Variants in ZDHHC21 observed in about 807,000 individuals in gnomAD.
ZDHHC21 encodes the protein zDHHC palmitoyltransferase 21, also known as palmitoyltransferase ZDHHC21.
A neutral mutation model predicts 34.6 loss-of-function variants in ZDHHC21; 15 were observed. That is an observed-to-expected ratio of 0.43 (90% CI 0.29 to 0.67). The LOEUF is 0.67. ZDHHC21 is among the 30% of genes least tolerant of loss of function. ZDHHC21 has a pLI of 0.14. For missense variants in ZDHHC21, 344 were observed against 327.7 expected (o/e 1.05, Z -0.38); for synonymous variants, 142 against 101.8 (o/e 1.40, Z -2.38).
At chr9:14,687,799 C>G (rs1460852234) in intron 2 of ZDHHC21, among the ~76,000 whole-genome samples, 2 of 150,856 alleles carry the variant, frequency 1.3e-5, no homozygotes, top group African/African-American at 5.0e-5. Flanking sequence ...ATTGCTACGC[C>G]TGAAAGAATA....
At chr9:14,609,939 C>T (rs1564158146), downstream of ZDHHC21, among the ~76,000 whole-genome samples, 3 of 152,028 alleles carry the variant, frequency 2.0e-5, no homozygotes, top group Non-Finnish European at 4.4e-5. Context: ...AATAACAATT[C>T]AATTGGTCTA....
chr9:14,689,615 C>T (rs1838871078), intron 2 of ZDHHC21, among the ~76,000 whole-genome samples: 1 of 152,118 alleles, frequency 6.6e-6, no homozygotes, highest in Non-Finnish European at 1.5e-5. Flanking sequence ...ATTAGTAGTA[C>T]TACACTGCAG....
chr9:14,660,062 C>T (rs1833061192), intron 6 of ZDHHC21, among the ~76,000 whole-genome samples: 1 of 151,948 alleles, frequency 6.6e-6, no homozygotes, highest in Admixed American at 6.6e-5. Flanking sequence ...GTAACATCTG[C>T]ACTACTTAGA....
In ZDHHC21 at chr9:14,688,849, G is replaced by A. The variant is rs565978383; in HGVS notation, c.-176+1488C>T. ...TGCACTCCAGCCTGGGTGACAGAGCGAGACTCTGTCTCAAAAACAACAACA... is the reference window on the plus strand; with the variant it reads ...TGCACTCCAGCCTGGGTGACAGAGCAAGACTCTGTCTCAAAAACAACAACA... On this transcript the variant is annotated intron_variant, in intron 2 of 9. Coordinates refer to ENST00000380916, the MANE Select transcript of ZDHHC21 (RefSeq NM_178566.6). Among the ~76,000 whole-genome samples the A allele has an allele frequency of 8.3e-3, 939 of 113,810 alleles. 15 individuals carry two copies. The highest frequency in any genetic ancestry group is 0.029 in the African/African-American group (885 of 30,502). 74.7% of individuals were successfully genotyped at this position (113,810 alleles called of 152,430 possible).
chr9:14,605,463 G>A, the ZDHHC21 span, among the ~76,000 whole-genome samples: 1 of 152,102 alleles, frequency 6.6e-6, no homozygotes, highest in African/African-American at 2.4e-5. Context: ...TCACGTACCT[G>A]TTGGTCATTT....
At chr9:14,690,161 T>C (rs1838953899) in intron 2 of ZDHHC21, among the ~76,000 whole-genome samples, 176 bp downstream of exon 2, 1 of 152,090 alleles carries the variant, frequency 6.6e-6, no homozygotes, top group African/African-American at 2.4e-5. Flanking sequence ...ATGAATCAAG[T>C]ATGTTCTTCC....
At chr9:14,630,157 A>G (rs1468223106) in intron 8 of ZDHHC21, among the ~76,000 whole-genome samples, 1 of 152,240 alleles carries the variant, frequency 6.6e-6, no homozygotes, top group Non-Finnish European at 1.5e-5. Context: ...CTTTACCCAC[A>G]GTAGGACTTC....
intron 8 of ZDHHC21, among the ~76,000 whole-genome samples, chr9:14,636,695 T>A (rs181678432): frequency 1.3e-5 from 2 of 152,140 alleles, no homozygotes; most frequent in Admixed American, 1.3e-4. Context: ...AAATCTAAAT[T>A]GTATCAAGTA....
intron 7 of ZDHHC21, among the ~76,000 whole-genome samples, chr9:14,652,984 T>G (rs899467705): frequency 6.6e-6 from 1 of 152,014 alleles, no homozygotes; most frequent in Non-Finnish European, 1.5e-5. Flanking sequence ...AAATGCAGAC[T>G]ACAGCTTTTG....
chr9:14,688,669 C>G (rs957171959), intron 2 of ZDHHC21, among the ~76,000 whole-genome samples: 17 of 152,158 alleles, frequency 1.1e-4, no homozygotes, highest in African/African-American at 4.1e-4. Flanking sequence ...CAAGACCAAA[C>G]TGGCCAACGT....
the ZDHHC21 span, chr9:14,589,775 A>T: frequency 6.6e-6 from 1 of 152,244 alleles, no homozygotes; most frequent in East Asian, 1.9e-4. Flanking sequence ...TTTCGACAAA[A>T]GTTAAAAACA....
chr9:14,596,883 C>T, the ZDHHC21 span, among the ~76,000 whole-genome samples: 1 of 152,118 alleles, frequency 6.6e-6, no homozygotes, highest in Non-Finnish European at 1.5e-5. Flanking sequence ...CATTGGAATT[C>T]AGCAGGGCAG....
At chr9:14,687,569 G>A (rs1838522654) in intron 2 of ZDHHC21, among the ~76,000 whole-genome samples, 1 of 150,760 alleles carries the variant, frequency 6.6e-6, no homozygotes, top group African/African-American at 2.5e-5. Context: ...TACTCGGGAG[G>A]CTGAGGCACG....
Position 14,619,022 on chromosome 9 carries a change from G to A in ZDHHC21, c.742C>T (p.Pro248Ser). 1 of 1,612,458 alleles carries A rather than the reference G, an allele frequency of 6.2e-7. No homozygotes were observed. Among genetic ancestry groups the A allele is most frequent in the Non-Finnish European group, 8.5e-7 (1 of 1,179,094 alleles). The change falls in exon 10 of 10, where the codon CCT (proline) becomes TCT (serine). Residue 248 changes from proline to serine, a missense_variant. Pro to Ser is a moderately conservative substitution (Grantham distance 74). Coordinates refer to ENST00000380916, the MANE Select transcript of ZDHHC21 (RefSeq NM_178566.6). ...GTRWKILWFI[P>S]FRQRQPLRVP... ...CGCAGTGGTTGCCTCTGCCTGAAAGGAATGAACCACAGGATCTTCCAACGA... is the reference window on the plus strand; with the variant it reads ...CGCAGTGGTTGCCTCTGCCTGAAAGAAATGAACCACAGGATCTTCCAACGA...
intron 5 of ZDHHC21, among the ~76,000 whole-genome samples, chr9:14,671,142 C>A (rs1487814887): frequency 6.6e-6 from 1 of 151,988 alleles, no homozygotes; most frequent in South Asian, 2.1e-4. Flanking sequence ...AACTCCATGA[C>A]TGAGGCTGTT....
downstream of ZDHHC21, chr9:14,610,922 G>T (rs116491604): frequency 6.6e-6 from 1 of 151,906 alleles, no homozygotes; most frequent in Admixed American, 6.6e-5. Context: ...TTGTGATTAT[G>T]GCAGAACAAT....
At chr9:14,668,212 C>A (rs1451792432) in intron 5 of ZDHHC21, among the ~76,000 whole-genome samples, 2 of 135,708 alleles carry the variant, frequency 1.5e-5, no homozygotes. Flanking sequence ...CAACAACAGA[C>A]AAACAGAGAG....
At chr9:14,667,339 G>A (rs1236474144) in intron 5 of ZDHHC21, among the ~76,000 whole-genome samples, 6 of 150,824 alleles carry the variant, frequency 4.0e-5, no homozygotes, top group Non-Finnish European at 8.9e-5. Context: ...AACAGGAGCT[G>A]AAATTGTGGC....
chr9:14,657,409 T>C (rs1331859362), intron 7 of ZDHHC21, among the ~76,000 whole-genome samples: 1 of 152,144 alleles, frequency 6.6e-6, no homozygotes, highest in African/African-American at 2.4e-5. Flanking sequence ...GGTTAAACAA[T>C]GTGTCAAAAC....
Sources: gnomAD v4.1 joint callset for allele counts (sites outside exome capture counted in the v4.1 genomes callset) on GRCh38, gnomAD v4.1.1 for gene constraint, MANE v1.5 for transcripts, NCBI Gene and HGNC (gene_info 2026-07-23, HGNC 2026-07-21) for gene names.